Variants in IPCEF1 observed in about 807,000 individuals in gnomAD.
IPCEF1 encodes the protein interaction protein for cytohesin exchange factors 1.
In IPCEF1, 31 loss-of-function variants were observed where a neutral mutation model predicts 50.9. The observed-to-expected ratio is 0.61, with a 90% CI of 0.46 to 0.82. The LOEUF (loss-of-function observed/expected upper bound fraction) is 0.82. Among genes scored for constraint, IPCEF1 ranks in the 40% least tolerant of loss-of-function variants. IPCEF1 has a pLI of 0.00. For synonymous variants in IPCEF1, 181 were observed against 192.0 expected, an observed-to-expected ratio of 0.94 and a Z score of 0.47; for missense variants, 458 against 514.0, an observed-to-expected ratio of 0.89 and a Z score of 1.05.
chr6:154,350,289 T>TC (rs933031680), intron 1 of IPCEF1, among the ~76,000 whole-genome samples: 1 of 152,024 alleles, frequency 6.6e-6, no homozygotes, highest in African/African-American at 2.4e-5. Context: ...TAAATAAATA[T>TC]CCCCCCCAAA....
intron 3 of IPCEF1, among the ~76,000 whole-genome samples, chr6:154,261,121 A>G (rs1444955580): frequency 6.6e-6 from 1 of 151,988 alleles, no homozygotes; most frequent in African/African-American, 2.4e-5. Flanking sequence ...TGCAGCCTCG[A>G]TCTCCTGGGC....
chr6:154,268,736 A>G (rs76349552), intron 2 of IPCEF1, among the ~76,000 whole-genome samples: 3,902 of 148,634 alleles, frequency 0.026, 174 homozygotes, highest in African/African-American at 0.091. Context: ...ATCTGTTTCT[A>G]TCTCCCTTAC....
chr6:154,295,813 T>A (rs111794869), intron 1 of IPCEF1, among the ~76,000 whole-genome samples: 3,630 of 152,208 alleles, frequency 0.024, 53 homozygotes, highest in Non-Finnish European at 0.039. Flanking sequence ...TCCTGAACTG[T>A]CTGGAGCTCT....
At chr6:154,245,831 C>T (rs1021923672) in intron 5 of IPCEF1, among the ~76,000 whole-genome samples, 1 of 152,138 alleles carries the variant, frequency 6.6e-6, no homozygotes, top group Non-Finnish European at 1.5e-5. Context: ...TCAACAACAT[C>T]GTCATTTTCA....
At chr6:154,295,529 A>C (rs1562583313) in intron 1 of IPCEF1, among the ~76,000 whole-genome samples, 1 of 151,914 alleles carries the variant, frequency 6.6e-6, no homozygotes, top group Non-Finnish European at 1.5e-5. Context: ...AGTGGCACAC[A>C]CTTTGCTGTG....
chr6:154,282,648 C>T (rs771789808), intron 2 of IPCEF1, among the ~76,000 whole-genome samples: 1 of 152,112 alleles, frequency 6.6e-6, no homozygotes, highest in Non-Finnish European at 1.5e-5. Context: ...GATAGCACCA[C>T]TGCAGTCTGG....
intron 2 of IPCEF1, among the ~76,000 whole-genome samples, chr6:154,285,268 G>T (rs1245795518): frequency 1.3e-5 from 2 of 152,046 alleles, no homozygotes; most frequent in Non-Finnish European, 2.9e-5. Flanking sequence ...AAATGAAAAT[G>T]GCAACAGGAA....
chr6:154,259,589 T>C lies in IPCEF1; in HGVS notation c.36+6323A>G, dbSNP rs1467630854. ...ATCACTTGAACCTGGGAGGCAGAGG[T>C]TGTGGTGAACCGAGATCGCTCCATT... On this transcript the variant is annotated intron_variant, in intron 3 of 11. Coordinates refer to ENST00000367220, the MANE Select transcript of IPCEF1 (RefSeq NM_001130700.2). 5.9e-5 allele frequency among the ~76,000 whole-genome samples: 9 copies of C among 151,778 alleles called. No homozygotes were observed. The East Asian group carries it at 1.7e-3, about 29-fold the overall frequency.
intron 1 of IPCEF1, among the ~76,000 whole-genome samples, chr6:154,335,784 C>T (rs868244939): frequency 3.7e-4 from 57 of 152,164 alleles, no homozygotes; most frequent in African/African-American, 1.2e-3. Flanking sequence ...AAGGAACTCA[C>T]TCAAACAACT....
intron 7 of IPCEF1, among the ~76,000 whole-genome samples, chr6:154,214,806 G>A (rs1209565248): frequency 6.6e-6 from 1 of 152,132 alleles, no homozygotes; most frequent in Non-Finnish European, 1.5e-5. Context: ...ATTCCTTGAA[G>A]AATTTTATGT....
rs138696658 is a variant in IPCEF1, at chr6:154,269,640, C to CTT, written c.-17-3678_-17-3677dup. On this transcript the variant is annotated intron_variant, in intron 2 of 11. Coordinates refer to ENST00000367220, the MANE Select transcript of IPCEF1 (RefSeq NM_001130700.2). ...AGTGAGCAACCATGCCTGGCCAGTA[C>CTT]TTTGTTTCTTGAAGTAGTTGAAACA... is the stretch of plus-strand genomic sequence containing the variant. Among the ~76,000 whole-genome samples the CTT allele has an allele frequency of 6.0e-3, 908 of 152,250 alleles. 7 individuals are homozygous for CTT. Among genetic ancestry groups the CTT allele is most frequent in the Non-Finnish European group, 0.01 (684 of 68,020 alleles).
chr6:154,264,116 C>T (rs1781689251), intron 3 of IPCEF1, among the ~76,000 whole-genome samples: 1 of 152,000 alleles, frequency 6.6e-6, no homozygotes, highest in South Asian at 2.1e-4. Flanking sequence ...ATTTATGCTC[C>T]TTGTAATTAT....
chr6:154,223,142 G>C, intron 6 of IPCEF1, 28 bp downstream of exon 6: 2 of 1,566,994 alleles, frequency 1.3e-6, no homozygotes, highest in Non-Finnish European at 1.8e-6. Context: ...CTGGCTCAGA[G>C]TTTTGTGGAA....
chr6:154,250,767 A>G (rs945741563), intron 3 of IPCEF1, among the ~76,000 whole-genome samples: 1 of 152,244 alleles, frequency 6.6e-6, no homozygotes, highest in Non-Finnish European at 1.5e-5. Flanking sequence ...TCATTACATC[A>G]GACTTCATAG....
chr6:154,183,981 A>G (rs1402343782), intron 10 of IPCEF1, among the ~76,000 whole-genome samples: 3 of 152,176 alleles, frequency 2.0e-5, no homozygotes, highest in African/African-American at 7.2e-5. Context: ...AGAACATTTA[A>G]GCAAATTTCA....
At position 154,158,988 on chromosome 6, in the gene IPCEF1, T is replaced by G. The variant is rs1798824133; in HGVS notation, c.*840A>C. The G allele has an allele frequency of 6.6e-6, 1 of 152,182 alleles. No individual in the cohort carries two copies. The highest frequency in any genetic ancestry group is 2.4e-5 in the African/African-American group (1 of 41,438). The allele number at this position is 152,182 out of a possible 1,614,324, so 9.4% of individuals were successfully genotyped here. A position where few individuals can be genotyped will look rare whatever the true frequency, so the allele number is the denominator to read the frequency against. ...TTGTCAATATTGATCCTGGGAAACC[T>G]GGATATAAATTCACACTATGTATAG... On this transcript the variant is annotated 3_prime_UTR_variant, in exon 12 of 12. Transcript: ENST00000367220.
intron 2 of IPCEF1, among the ~76,000 whole-genome samples, chr6:154,278,842 G>A (rs779858373): frequency 2.6e-5 from 4 of 151,732 alleles, no homozygotes; most frequent in Non-Finnish European, 5.9e-5. Context: ...TGGGCCAGGC[G>A]TGGTGGCTTA....
At position 154,233,390 on chromosome 6, in the gene IPCEF1, T is replaced by G. The variant is rs114359374; in HGVS notation, c.247-10147A>C. Among the ~76,000 whole-genome samples the G allele has an allele frequency of 7.7e-3, 1,173 of 152,342 alleles. 16 individuals are homozygous for G. Among genetic ancestry groups the G allele is most frequent in the African/African-American group, 0.026 (1,062 of 41,564 alleles). On this transcript the variant is annotated intron_variant, in intron 5 of 11. Coordinates refer to ENST00000367220, the MANE Select transcript of IPCEF1 (RefSeq NM_001130700.2). ...TAATAATACTAGTAAACTTACCATA[T>G]TCTTCATGTATTATTTGGGGTATTT...
Position 154,307,239 on chromosome 6 carries a change from T to C in IPCEF1, c.-61-17483A>G, listed in dbSNP as rs561765473. Among the ~76,000 whole-genome samples the C allele has an allele frequency of 9.8e-4, 149 of 152,084 alleles. 2 individuals carry two copies. Among genetic ancestry groups the C allele is most frequent in the Admixed American group, 9.7e-3 (148 of 15,254 alleles). On this transcript the variant is annotated intron_variant, in intron 1 of 11. Coordinates refer to ENST00000367220, the MANE Select transcript of IPCEF1 (RefSeq NM_001130700.2). ...GGTGGGACATGACTGAATCATGGGG[T>C]GGGGTCTTTCCTGTGCTGTTCTCAT...
Sources: gnomAD v4.1 joint callset for allele counts (sites outside exome capture counted in the v4.1 genomes callset) on GRCh38, gnomAD v4.1.1 for gene constraint, MANE v1.5 for transcripts, NCBI Gene and HGNC (gene_info 2026-07-23, HGNC 2026-07-21) for gene names.